The following DIP2B variants were observed in gnomAD, a reference collection of about 807,000 sequenced individuals.
The protein encoded by DIP2B is disco-interacting protein 2 homolog B.
In DIP2B, 76 loss-of-function variants were observed where a neutral mutation model predicts 198.0. That is an observed-to-expected ratio of 0.38 (90% CI 0.32 to 0.46). DIP2B has a LOEUF of 0.46. DIP2B is among the 20% of genes least tolerant of loss of function. The pLI, the probability that DIP2B is intolerant of heterozygous loss-of-function variation, is 0.99. For missense variants in DIP2B, 1,559 were observed against 1,978.4 expected, an observed-to-expected ratio of 0.79 and a Z score of 4.02; for synonymous variants, 701 against 739.1, an observed-to-expected ratio of 0.95 and a Z score of 0.84.
chr12:50,730,148 C>G (rs1940013045), intron 30 of DIP2B, among the ~76,000 whole-genome samples: 1 of 152,068 alleles, frequency 6.6e-6, no homozygotes, highest in African/African-American at 2.4e-5. Flanking sequence ...CCAATCCCTA[C>G]TCCGTATGTC....
intron 1 of DIP2B, among the ~76,000 whole-genome samples, chr12:50,512,763 T>C (rs951284566): frequency 2.0e-5 from 3 of 152,178 alleles, no homozygotes; most frequent in African/African-American, 4.8e-5. Flanking sequence ...CCCAGCACTT[T>C]GGGAGGCGGA....
intron 37 of DIP2B, 54 bp from the exon 38 acceptor site, chr12:50,744,531 TAA>T: frequency 6.2e-7 from 1 of 1,602,184 alleles, no homozygotes; most frequent in East Asian, 2.2e-5. Flanking sequence ...ACAGATGCTA[TAA>T]AAGATAACTG....
chr12:50,722,839 C>T (rs1041377189), intron 26 of DIP2B, among the ~76,000 whole-genome samples: 1 of 152,170 alleles, frequency 6.6e-6, no homozygotes, highest in Non-Finnish European at 1.5e-5. Flanking sequence ...TTTTAAGAAG[C>T]TCAGGGCTTC....
At chr12:50,529,859 AAAAAAAG>A (rs894652709) in intron 1 of DIP2B, among the ~76,000 whole-genome samples, 100 of 152,170 alleles carry the variant, frequency 6.6e-4, no homozygotes, top group African/African-American at 9.9e-4. Flanking sequence ...CCTCTGTCTC[AAAAAAAG>A]AAAAAAGAAA....
At chr12:50,669,378 T>G (rs1190705702) in intron 4 of DIP2B, among the ~76,000 whole-genome samples, 2 of 152,184 alleles carry the variant, frequency 1.3e-5, no homozygotes, top group East Asian at 3.9e-4. Flanking sequence ...TTGGAGGTAG[T>G]ACAGAACAAG....
In DIP2B at chr12:50,680,716, A is replaced by G; in HGVS notation, c.1159A>G (p.Asn387Asp). The change falls in exon 9 of 38, where the codon AAT (asparagine) becomes GAT (aspartate). Residue 387 changes from asparagine (N) to aspartate (D), a missense_variant. Physicochemically the swap from Asn to Asp is conservative, Grantham distance 23 (BLOSUM62 1). Transcript: ENST00000301180. ...RSLKLAYTLL[N>D]KLGTKNEPVL... ...TTTAAAGTTGGCCTACACACTTCTT[A>G]ATAAACTGGGGACCAAAAATGAACC... 1 of 1,613,670 alleles carries G rather than the reference A, an allele frequency of 6.2e-7. No individual in the cohort carries two copies. Among genetic ancestry groups the G allele is most frequent in the Non-Finnish European group, 8.5e-7 (1 of 1,179,934 alleles).
intron 23 of DIP2B, among the ~76,000 whole-genome samples, chr12:50,716,768 G>A (rs1003726688): frequency 7.2e-5 from 11 of 152,056 alleles, no homozygotes; most frequent in African/African-American, 2.4e-4. Context: ...AATAAGCTTT[G>A]TTTTATCATC....
At chr12:50,532,397 C>T (rs1236209615) in intron 1 of DIP2B, among the ~76,000 whole-genome samples, 1 of 152,140 alleles carries the variant, frequency 6.6e-6, no homozygotes, top group African/African-American at 2.4e-5. Flanking sequence ...CGCCTGTAAT[C>T]CCAGCTACTT....
intron 1 of DIP2B, among the ~76,000 whole-genome samples, chr12:50,606,629 C>T (rs1958984004): frequency 6.6e-6 from 1 of 152,118 alleles, no homozygotes; most frequent in Admixed American, 6.5e-5. Context: ...AGGCATACAA[C>T]TCATATCAGG....
rs1014272565 is a variant in DIP2B at position 50,744,951 on chromosome 12, A to G, written c.*112A>G. ...AAATAAGCTGAGATGGCTACATGAT[A>G]TTCTTCATCTCATCCTGTGGGATTC... On this transcript the variant is annotated 3_prime_UTR_variant, in exon 38 of 38. Coordinates refer to ENST00000301180, the MANE Select transcript of DIP2B (RefSeq NM_173602.3). 1.7e-5 allele frequency: 22 copies of G among 1,278,388 alleles called. No homozygotes were observed. The Middle Eastern group carries it at 7.3e-4, about 43-fold the overall frequency. 79.2% of individuals were successfully genotyped at this position (1,278,388 alleles called of 1,614,324 possible).
At chr12:50,712,732 C>T (rs537807922) in intron 22 of DIP2B, among the ~76,000 whole-genome samples, 1 of 152,098 alleles carries the variant, frequency 6.6e-6, no homozygotes, top group Non-Finnish European at 1.5e-5. Flanking sequence ...CATAGTGAAA[C>T]CCCGTCTCTA....
chr12:50,609,159 C>T (rs1158483751), intron 1 of DIP2B, among the ~76,000 whole-genome samples: 2 of 151,956 alleles, frequency 1.3e-5, no homozygotes, highest in African/African-American at 4.8e-5. Flanking sequence ...AAAAAATTAT[C>T]AAGAGGATTA....
rs187450597 is a variant in DIP2B, at chr12:50,579,415, C to A, written c.101-46561C>A. On this transcript the variant is annotated intron_variant, in intron 1 of 37. Coordinates refer to ENST00000301180, the MANE Select transcript of DIP2B (RefSeq NM_173602.3). The stretch of plus-strand genomic sequence containing the variant: ...ATCACTTGAGCCCAGGAGTTGGACA[C>A]CAGCCTGGGCAACATGGTGAAACCC... 6.6e-3 allele frequency among the ~76,000 whole-genome samples: 995 copies of A among 151,216 alleles called. 10 individuals carry two copies. Among genetic ancestry groups the A allele is most frequent in the African/African-American group, 0.022 (913 of 41,190 alleles).
At chr12:50,518,100 A>T (rs1958081954) in intron 1 of DIP2B, among the ~76,000 whole-genome samples, 1 of 152,200 alleles carries the variant, frequency 6.6e-6, no homozygotes. Flanking sequence ...CATTGCATAC[A>T]ATGTATCTTC....
chr12:50,710,087 C>T (rs1049860553), intron 22 of DIP2B, among the ~76,000 whole-genome samples: 8 of 152,204 alleles, frequency 5.3e-5, no homozygotes, highest in Admixed American at 2.0e-4. Flanking sequence ...TATTTTTCTA[C>T]TTAGCACTTA....
intron 36 of DIP2B, among the ~76,000 whole-genome samples, chr12:50,741,038 CT>C (rs1292320846): frequency 6.6e-6 from 1 of 152,198 alleles, no homozygotes; most frequent in East Asian, 1.9e-4. Context: ...CTTTGTGTAT[CT>C]TTTCCCCCAC....
At chr12:50,710,132 G>C (rs539619746) in intron 22 of DIP2B, among the ~76,000 whole-genome samples, 1 of 152,036 alleles carries the variant, frequency 6.6e-6, no homozygotes, top group Non-Finnish European at 1.5e-5. Context: ...TACATCCACT[G>C]TAATATAAGG....
At chr12:50,712,438 T>C (rs1000892663) in intron 22 of DIP2B, among the ~76,000 whole-genome samples, 17 of 151,254 alleles carry the variant, frequency 1.1e-4, no homozygotes, top group African/African-American at 3.9e-4. Flanking sequence ...ACCCTGTCTC[T>C]ACTAAAAATA....
At chr12:50,642,196 A>G (rs1201384913) in intron 3 of DIP2B, among the ~76,000 whole-genome samples, 1 of 152,204 alleles carries the variant, frequency 6.6e-6, no homozygotes, top group Non-Finnish European at 1.5e-5. Context: ...GCTTGCTCAG[A>G]GAACAAAGAC....
Sources: allele counts gnomAD v4.1 joint callset (sites outside exome capture counted in the v4.1 genomes callset), GRCh38; gene constraint gnomAD v4.1.1; transcripts MANE v1.5; gene names NCBI Gene and HGNC (gene_info 2026-07-23, HGNC 2026-07-21).